TMEM184C: variants seen among roughly 807,000 people sequenced by gnomAD.
TMEM184C encodes transmembrane protein 34.
TMEM184C carries 25 observed loss-of-function variants against 54.5 expected under a neutral mutation model. The observed-to-expected ratio is 0.46, with a 90% confidence interval of 0.33 to 0.64. The LOEUF is 0.64. Among genes scored for constraint, TMEM184C ranks in the 30% least tolerant of loss-of-function variants. TMEM184C has a pLI of 0.02. For synonymous variants in TMEM184C, 148 were observed against 181.5 expected (o/e 0.82, Z 1.49); for missense variants, 335 against 520.3 (o/e 0.64, Z 3.46).
chr4:147,618,351 A>G (rs1732639179), intron 1 of TMEM184C, among the ~76,000 whole-genome samples: 1 of 152,238 alleles, frequency 6.6e-6, no homozygotes, highest in Admixed American at 6.5e-5. Context: ...GTTCCCTGAA[A>G]GTAAGGTAAT....
intron 6 of TMEM184C, among the ~76,000 whole-genome samples, chr4:147,630,355 C>G (rs910648848): frequency 6.6e-6 from 1 of 152,000 alleles, no homozygotes; most frequent in Non-Finnish European, 1.5e-5. Flanking sequence ...AATTAAATGT[C>G]CATGTAGCTA....
chr4:147,633,075 C>A, intron 8 of TMEM184C, 73 bp downstream of exon 8: 1 of 1,278,594 alleles, frequency 7.8e-7, no homozygotes, highest in Non-Finnish European at 1.1e-6. Flanking sequence ...TCCACTAAAC[C>A]TGACAACACA....
At chr4:147,620,254 C>T (rs1174927413) in intron 1 of TMEM184C, among the ~76,000 whole-genome samples, 1 of 152,176 alleles carries the variant, frequency 6.6e-6, no homozygotes, top group Non-Finnish European at 1.5e-5. Flanking sequence ...TACCACGATA[C>T]ATATTTTACT....
chr4:147,634,483 G>A lies in TMEM184C; in HGVS notation c.*49G>A. The A allele has an allele frequency of 6.4e-7, 1 of 1,573,460 alleles. No individual in the cohort carries two copies. The highest frequency in any genetic ancestry group is 2.2e-5 in the East Asian group (1 of 44,458). ...CAACTACTACATTATATCATTACCT[G>A]GTATCCCATGGATTTTGTGCTTGGG... On this transcript the variant is annotated 3_prime_UTR_variant, in exon 10 of 10. Transcript: ENST00000296582.
At chr4:147,625,827 A>G (rs1437304652) in intron 4 of TMEM184C, among the ~76,000 whole-genome samples, 1 of 152,170 alleles carries the variant, frequency 6.6e-6, no homozygotes, top group Non-Finnish European at 1.5e-5. Flanking sequence ...GGGAATTGCA[A>G]AAGATAAAGA....
chr4:147,620,459 AG>A (rs1285671328), intron 1 of TMEM184C, among the ~76,000 whole-genome samples: 1 of 152,234 alleles, frequency 6.6e-6, no homozygotes, highest in African/African-American at 2.4e-5. Context: ...CATGCAGGGC[AG>A]TCTAATTGCA....
Position 147,617,757 on chromosome 4 carries a change from TGA to T in TMEM184C, c.-196_-195del. 1.6e-6 allele frequency: 1 copy of T among 636,114 alleles called. No individual in the cohort carries two copies. Among genetic ancestry groups the T allele is most frequent in the Non-Finnish European group, 2.8e-6 (1 of 362,916 alleles). 39.4% of individuals were successfully genotyped at this position (636,114 alleles called of 1,614,324 possible). On this transcript the variant is annotated 5_prime_UTR_variant, in exon 1 of 10. It removes the in-frame stop codon of an upstream open reading frame in the 5' UTR. Transcript: ENST00000296582. ...CCTGCACTGCTCGCCAATAGCACCCTGAGAGGCTACATTTGCAGAAGCAGCAG... is the reference window on the plus strand; with the variant it reads ...CCTGCACTGCTCGCCAATAGCACCCTGAGGCTACATTTGCAGAAGCAGCAG...
intron 1 of TMEM184C, among the ~76,000 whole-genome samples, chr4:147,622,440 ATTTTC>A (rs1370470723): frequency 6.6e-6 from 1 of 152,094 alleles, no homozygotes; most frequent in Non-Finnish European, 1.5e-5. Flanking sequence ...TAATTGTTCT[ATTTTC>A]TTGTTAACCA....
chr4:147,621,259 C>G (rs72945896), intron 1 of TMEM184C, among the ~76,000 whole-genome samples: 3,841 of 152,186 alleles, frequency 0.025, 167 homozygotes, highest in African/African-American at 0.087. Flanking sequence ...AGAAAGCACT[C>G]TCTCCTATTC....
At chr4:147,633,135 C>A in intron 8 of TMEM184C, 133 bp downstream of exon 8, 1 of 660,144 alleles carries the variant, frequency 1.5e-6, no homozygotes, top group South Asian at 2.7e-5. Context: ...AACAGGGGAA[C>A]CCTAGAGAAA....
At position 147,628,357 on chromosome 4, in the gene TMEM184C, G is replaced by A. The variant is rs2126552001; in HGVS notation, c.498-4G>A. 2 of 1,603,064 alleles carry A rather than the reference G, an allele frequency of 1.2e-6. No homozygotes were observed. Among genetic ancestry groups the A allele is most frequent in the East Asian group, 2.2e-5 (1 of 44,760 alleles). ...TGAAATTCTAAGTTCTTTTTCTTTT[G>A]CAGAGTATTGCTGTTTAGGTGCAAA... On this transcript the variant is annotated splice_polypyrimidine_tract_variant and splice_region_variant and intron_variant, in intron 4 of 9. Transcript: ENST00000296582.
At position 147,634,098 on chromosome 4, in the gene TMEM184C, G is replaced by C. The variant is rs1229425128; in HGVS notation, c.1052-71G>C. 77 of 1,547,022 alleles carry C rather than the reference G, an allele frequency of 5.0e-5. No homozygotes were observed. The East Asian group carries it at 1.7e-3, about 33-fold the overall frequency. ...GGAGTGGGAGAGGGGGAAGTGGGGA[G>C]CTTATTTTTAGAATGGTAAGTTTAT... On this transcript the variant is annotated intron_variant, in intron 9 of 9. Coordinates refer to ENST00000296582, the MANE Select transcript of TMEM184C (RefSeq NM_018241.3).
At chr4:147,627,251 ATAT>A (rs1732831593) in intron 4 of TMEM184C, among the ~76,000 whole-genome samples, 1 of 152,108 alleles carries the variant, frequency 6.6e-6, no homozygotes, top group African/African-American at 2.4e-5. Flanking sequence ...CATTTATAGG[ATAT>A]TATGCAGAGA....
At chr4:147,621,368 A>G (rs925088039) in intron 1 of TMEM184C, among the ~76,000 whole-genome samples, 2 of 151,934 alleles carry the variant, frequency 1.3e-5, no homozygotes, top group Admixed American at 1.3e-4. Context: ...TTCTTTCCTA[A>G]AGTTACCCAT....
chr4:147,635,757 A>T lies in TMEM184C; in HGVS notation c.*1323A>T, dbSNP rs536135295. 6.6e-6 allele frequency: 1 copy of T among 152,146 alleles called. No homozygotes were observed. Among genetic ancestry groups the T allele is most frequent in the Non-Finnish European group, 1.5e-5 (1 of 67,994 alleles). The allele number at this position is 152,146 out of a possible 1,614,324, so 9.4% of individuals were successfully genotyped here. On this transcript the variant is annotated 3_prime_UTR_variant, in exon 10 of 10. Coordinates refer to ENST00000296582, the MANE Select transcript of TMEM184C (RefSeq NM_018241.3). ...ACCCCAAAGATACACACACAAAAAA[A>T]ATCTGTTTGTTAGAACTCAAGTGAA... is the stretch of plus-strand genomic sequence containing the variant.
At chr4:147,622,815 A>G (rs1210244564) in intron 1 of TMEM184C, among the ~76,000 whole-genome samples, 1 of 152,108 alleles carries the variant, frequency 6.6e-6, no homozygotes, top group Non-Finnish European at 1.5e-5. Context: ...AGGGTGGAGT[A>G]CGGTGGCACA....
In TMEM184C at chr4:147,634,450, A is replaced by T; in HGVS notation, c.*16A>T. On this transcript the variant is annotated 3_prime_UTR_variant, in exon 10 of 10. Transcript: ENST00000296582. ...GGATTCCTGAACAGTATGGAAAAGC[A>T]AACTGTGCAACTACTACATTATATC... 1 of 1,610,800 alleles carries T rather than the reference A, an allele frequency of 6.2e-7. No individual in the cohort carries two copies. The highest frequency in any genetic ancestry group is 8.5e-7 in the Non-Finnish European group (1 of 1,178,250).
At chr4:147,627,762 T>C (rs912377373) in intron 4 of TMEM184C, among the ~76,000 whole-genome samples, 1 of 148,940 alleles carries the variant, frequency 6.7e-6, no homozygotes, top group African/African-American at 2.5e-5. Context: ...CCAGGTGTGG[T>C]GGTATGCAGA....
At chr4:147,631,535 A>G in intron 7 of TMEM184C, 30 bp downstream of exon 7, 1 of 1,557,090 alleles carries the variant, frequency 6.4e-7, no homozygotes, top group Non-Finnish European at 8.8e-7. Flanking sequence ...AAATGTTCTC[A>G]TTTTTTTAAG....
Sources: allele counts gnomAD v4.1 joint callset (sites outside exome capture counted in the v4.1 genomes callset), GRCh38; gene constraint gnomAD v4.1.1; transcripts MANE v1.5; gene names NCBI Gene and HGNC (gene_info 2026-07-23, HGNC 2026-07-21).